The following FANCB variants were observed in gnomAD, a reference collection of about 807,000 sequenced individuals.
FANCB encodes Fanconi anemia group B protein.
FANCB carries 5 observed loss-of-function variants against 38.9 expected under a neutral mutation model. That is an observed-to-expected ratio of 0.13 (90% CI 0.07 to 0.27). FANCB has a LOEUF of 0.27. Among genes scored for constraint, FANCB ranks in the 10% least tolerant of loss-of-function variants. The probability of loss-of-function intolerance (pLI) is 1.00; values close to 1 mark genes in which losing one functional copy is unlikely to be tolerated. For missense variants in FANCB, 573 were observed against 602.7 expected, an observed-to-expected ratio of 0.95 and a Z score of 0.52; for synonymous variants, 236 against 215.4, an observed-to-expected ratio of 1.10 and a Z score of -0.84.
At chrX:14,758,094 T>G in the FANCB span, among the ~76,000 whole-genome samples, 3 of 110,622 alleles carry the variant, frequency 2.7e-5, no homozygotes, top group African/African-American at 9.9e-5. Context: ...TTTCCCCCAT[T>G]TCCGCGGTAC....
At chrX:14,693,330 T>C in the FANCB span, among the ~76,000 whole-genome samples, 2 of 111,953 alleles carry the variant, frequency 1.8e-5, no homozygotes, top group African/African-American at 6.5e-5. Context: ...TTTAGCTCCA[T>C]TAATATTAGA....
the FANCB span, among the ~76,000 whole-genome samples, chrX:14,755,816 A>G: frequency 9.0e-6 from 1 of 111,523 alleles, no homozygotes; most frequent in Non-Finnish European, 1.9e-5. Flanking sequence ...AAATTCATAT[A>G]GAACCACAAA....
the FANCB span, among the ~76,000 whole-genome samples, chrX:14,807,778 T>C: frequency 8.9e-6 from 1 of 111,732 alleles, no homozygotes; most frequent in Non-Finnish European, 1.9e-5. Flanking sequence ...AATCAAAAAG[T>C]TGGTTTTTTG....
chrX:14,722,216 G>A, the FANCB span, among the ~76,000 whole-genome samples: 1 of 111,800 alleles, frequency 8.9e-6, no homozygotes, highest in Non-Finnish European at 1.9e-5. Flanking sequence ...GTTGTGGTTC[G>A]GGGTCTCTCC....
chrX:14,798,409 G>A, the FANCB span, among the ~76,000 whole-genome samples: 3 of 111,203 alleles, frequency 2.7e-5, no homozygotes, highest in African/African-American at 6.5e-5. Flanking sequence ...TGATCCACCC[G>A]CCTCGGCCTC....
intron 6 of FANCB, among the ~76,000 whole-genome samples, chrX:14,851,850 C>T (rs762207501): frequency 8.9e-6 from 1 of 111,783 alleles, no homozygotes; most frequent in South Asian, 3.7e-4. Flanking sequence ...TTTTTTGTTA[C>T]GTTTTATTAC....
At chrX:14,831,711 G>GA (rs1467006890), downstream of FANCB, among the ~76,000 whole-genome samples, 1 of 111,749 alleles carries the variant, frequency 8.9e-6, no homozygotes, top group Admixed American at 9.5e-5. Context: ...AATGAACACT[G>GA]AAACAGTGGA....
the FANCB span, among the ~76,000 whole-genome samples, chrX:14,777,649 G>C: frequency 8.9e-6 from 1 of 112,017 alleles, no homozygotes; most frequent in African/African-American, 3.2e-5. Flanking sequence ...ACAGCATTTT[G>C]TATGGAAATA....
downstream of FANCB, among the ~76,000 whole-genome samples, chrX:14,841,611 T>A (rs1304543706): frequency 8.9e-6 from 1 of 112,068 alleles, no homozygotes; most frequent in Non-Finnish European, 1.9e-5. Context: ...TTTTCATGCA[T>A]CTCCTTAGCT....
chrX:14,776,648 T>C, the FANCB span, among the ~76,000 whole-genome samples: 1 of 112,393 alleles, frequency 8.9e-6, no homozygotes. Flanking sequence ...GTTTCACATA[T>C]TGCAGCTACT....
intron 5 of FANCB, among the ~76,000 whole-genome samples, chrX:14,854,643 C>T (rs949562145): frequency 9.0e-6 from 1 of 111,583 alleles, no homozygotes; most frequent in African/African-American, 3.3e-5. Context: ...TCGTACTGCA[C>T]GACACTGAAC....
the FANCB span, among the ~76,000 whole-genome samples, chrX:14,755,170 TGTGACAAACCCACAGC>T: frequency 8.9e-6 from 1 of 111,956 alleles, no homozygotes; most frequent in Non-Finnish European, 1.9e-5. Context: ...AAAGGCCACA[TGTGACAAACCCACAGC>T]TAGCATCATA....
the FANCB span, among the ~76,000 whole-genome samples, chrX:14,807,539 A>G: frequency 8.9e-6 from 1 of 112,166 alleles, no homozygotes; most frequent in African/African-American, 3.2e-5. Flanking sequence ...GTGGTGCAGC[A>G]TAAAAAGATT....
At chrX:14,714,134 T>A in the FANCB span, among the ~76,000 whole-genome samples, 1 of 110,733 alleles carries the variant, frequency 9.0e-6, no homozygotes, top group African/African-American at 3.3e-5. Context: ...TTCCTGATAC[T>A]AGATATATTG....
chrX:14,796,497 A>G, the FANCB span, among the ~76,000 whole-genome samples: 1 of 97,847 alleles, frequency 1.0e-5, no homozygotes, highest in East Asian at 3.1e-4. Context: ...TATATTATAT[A>G]TATAACATAT....
At chrX:14,724,671 T>C in the FANCB span, among the ~76,000 whole-genome samples, 1,388 of 101,206 alleles carry the variant, frequency 0.014, 26 homozygotes, top group African/African-American at 0.043. Context: ...AGAATGGCAG[T>C]TGCTCAATAA....
chrX:14,813,822 C>A, the FANCB span, among the ~76,000 whole-genome samples: 3 of 111,845 alleles, frequency 2.7e-5, no homozygotes, highest in South Asian at 1.1e-3. Flanking sequence ...TTGGAAAAAA[C>A]TACTTTAAAG....
the FANCB span, chrX:14,730,633 G>A: frequency 4.5e-6 from 2 of 443,587 alleles, no homozygotes; most frequent in Non-Finnish European, 7.8e-6. Context: ...GCACCTACAT[G>A]AAAAAAAAGA....
chrX:14,806,200 A>G, the FANCB span, among the ~76,000 whole-genome samples: 1 of 111,677 alleles, frequency 9.0e-6, no homozygotes, highest in Non-Finnish European at 1.9e-5. Context: ...AGGATAAGTG[A>G]GACAAGTGTG....
Sources: gnomAD v4.1 joint callset for allele counts (sites outside exome capture counted in the v4.1 genomes callset) on GRCh38, gnomAD v4.1.1 for gene constraint, MANE v1.5 for transcripts, NCBI Gene and HGNC (gene_info 2026-07-23, HGNC 2026-07-21) for gene names.